Variants in ATP2C2 observed in about 807,000 individuals in gnomAD.
The protein encoded by ATP2C2 is ATPase secretory pathway Ca2+ transporting 2.
ATP2C2 carries 171 observed loss-of-function variants against 110.8 expected under a neutral mutation model. The observed-to-expected ratio is 1.54, with a 90% CI of 1.36 to 1.75. ATP2C2 has a LOEUF of 1.75. Ranked by LOEUF, ATP2C2 falls within the 40% of genes most tolerant of loss-of-function variation. The pLI is 0.00. For missense variants in ATP2C2, 1,963 were observed against 1,235.0 expected (o/e 1.59, Z -8.84); for synonymous variants, 804 against 508.4 (o/e 1.58, Z -7.82).
At chr16:84,423,575 GA>G (rs1410331314) in intron 10 of ATP2C2, among the ~76,000 whole-genome samples, 1 of 152,230 alleles carries the variant, frequency 6.6e-6, no homozygotes, top group East Asian at 1.9e-4. Flanking sequence ...TACAAACAGT[GA>G]CTTGGGCCCA....
intron 2 of ATP2C2, among the ~76,000 whole-genome samples, chr16:84,403,870 T>A (rs1905519500): frequency 6.6e-6 from 1 of 152,178 alleles, no homozygotes; most frequent in South Asian, 2.1e-4. Context: ...CTTGTATTTT[T>A]AGTAGAGACG....
chr16:84,428,656 C>T (rs1178872192), intron 11 of ATP2C2, among the ~76,000 whole-genome samples: 1 of 152,130 alleles, frequency 6.6e-6, no homozygotes, highest in East Asian at 1.9e-4. Flanking sequence ...TGGAAAACCC[C>T]ATCCCAGATA....
intron 2 of ATP2C2, 102 bp from the exon 3 acceptor site, chr16:84,405,026 C>G: frequency 1.0e-6 from 1 of 954,852 alleles, no homozygotes; most frequent in Non-Finnish European, 1.7e-6. Context: ...GTGTCCCTGG[C>G]CCATCATGGA....
At chr16:84,402,161 C>T (rs924256354) in intron 2 of ATP2C2, among the ~76,000 whole-genome samples, 3 of 152,106 alleles carry the variant, frequency 2.0e-5, no homozygotes, top group African/African-American at 4.8e-5. Flanking sequence ...TGATCTTTAT[C>T]ATTTGAGTTT....
rs1910673271 is a variant in ATP2C2 at position 84,382,996 on chromosome 16, GAC to G, written c.99+14284_99+14285del. Among the ~76,000 whole-genome samples, 3 of 151,986 alleles carry G rather than the reference GAC, an allele frequency of 2.0e-5. No homozygotes were observed. The South Asian group carries it at 6.2e-4, about 32-fold the overall frequency. On this transcript the variant is annotated intron_variant, in intron 1 of 26. Coordinates refer to ENST00000262429, the MANE Select transcript of ATP2C2 (RefSeq NM_014861.4). ...TCCAGGCAAAAGCAGCCTCAGAAGA[GAC>G]AGGCAAGAGTCTACAGCTGGAGACA...
At chr16:84,442,975 T>C (rs927475254) in intron 15 of ATP2C2, among the ~76,000 whole-genome samples, 1 of 152,034 alleles carries the variant, frequency 6.6e-6, no homozygotes, top group African/African-American at 2.4e-5. Flanking sequence ...GGGAATGTAT[T>C]CGATTGACTC....
At chr16:84,410,851 A>G (rs1906221391) in intron 6 of ATP2C2, 86 bp downstream of exon 6, 1 of 1,365,154 alleles carries the variant, frequency 7.3e-7, no homozygotes, top group Admixed American at 1.7e-5. Context: ...TGAAAGTTGT[A>G]TCCTTGGTAG....
rs1172177239 is a variant in ATP2C2 at position 84,440,820 on chromosome 16, C to G, written c.1210-37C>G. 8.4e-6 allele frequency: 13 copies of G among 1,539,642 alleles called. No homozygotes were observed. The East Asian group carries it at 1.6e-4, about 19-fold the overall frequency. Reference sequence around the variant, plus strand: ...GCCAACTGGGGGAGCATGTTTTTGACTCTTGGCGAAACCCTTTCTTCTGCC... The same window carrying G: ...GCCAACTGGGGGAGCATGTTTTTGAGTCTTGGCGAAACCCTTTCTTCTGCC... On this transcript the variant is annotated intron_variant, in intron 13 of 26. Coordinates refer to ENST00000262429, the MANE Select transcript of ATP2C2 (RefSeq NM_014861.4).
intron 11 of ATP2C2, among the ~76,000 whole-genome samples, chr16:84,435,915 G>T (rs996204251): frequency 1.3e-5 from 2 of 152,170 alleles, no homozygotes; most frequent in Non-Finnish European, 2.9e-5. Flanking sequence ...GATCACTTGA[G>T]GCCAGGAGTT....
chr16:84,452,885 G>C (rs576501719), intron 18 of ATP2C2, among the ~76,000 whole-genome samples: 1 of 152,072 alleles, frequency 6.6e-6, no homozygotes, highest in African/African-American at 2.4e-5. Flanking sequence ...TCAGGTTCCA[G>C]TGTTACTCCT....
intron 11 of ATP2C2, among the ~76,000 whole-genome samples, chr16:84,432,644 C>G (rs1252066278): frequency 1.3e-5 from 2 of 152,054 alleles, no homozygotes; most frequent in African/African-American, 4.8e-5. Flanking sequence ...CCTCAGCCTC[C>G]CAAGTAGCTG....
In ATP2C2 at chr16:84,377,575, C is replaced by T. The variant is rs551415689; in HGVS notation, c.99+8861C>T. On this transcript the variant is annotated intron_variant, in intron 1 of 26. Transcript: ENST00000262429. ...GTTGTCCTCTGTGCATGGCTGTGTC[C>T]TAATCTCCTCCTTTTACTTGGACAC... Among the ~76,000 whole-genome samples the T allele has an allele frequency of 3.7e-4, 57 of 152,162 alleles. 1 individual carries two copies. Among genetic ancestry groups the T allele is most frequent in the African/African-American group, 1.1e-3 (47 of 41,524 alleles).
At chr16:84,425,943 C>G in intron 11 of ATP2C2, 142 bp downstream of exon 11, 3 of 979,210 alleles carry the variant, frequency 3.1e-6, no homozygotes, top group Non-Finnish European at 4.8e-6. Flanking sequence ...TCCAGCCTCC[C>G]AATAGCATGT....
chr16:84,441,617 G>C (rs1278733621), intron 14 of ATP2C2, among the ~76,000 whole-genome samples: 1 of 152,042 alleles, frequency 6.6e-6, no homozygotes, highest in Non-Finnish European at 1.5e-5. Context: ...TCTTGGTTTT[G>C]CAGATTAAAA....
At chr16:84,431,495 C>G (rs1271855262) in intron 11 of ATP2C2, among the ~76,000 whole-genome samples, 1 of 150,928 alleles carries the variant, frequency 6.6e-6, no homozygotes, top group Non-Finnish European at 1.5e-5. Context: ...AACTCTGTCT[C>G]AAGACGAAAA....
rs1909169402 is a variant in ATP2C2, at chr16:84,440,710, C to G, written c.1210-147C>G. The stretch of plus-strand genomic sequence containing the variant: ...ATGACGTATCCAATTAATCAATAAT[C>G]TTTCAGAGAACATCTTCATACTGAA... On this transcript the variant is annotated intron_variant, in intron 13 of 26. Coordinates refer to ENST00000262429, the MANE Select transcript of ATP2C2 (RefSeq NM_014861.4). 7.7e-6 allele frequency: 5 copies of G among 651,262 alleles called. No homozygotes were observed. In the South Asian group the frequency reaches 9.2e-5, roughly 12 times the overall value. The allele number at this position is 651,262 out of a possible 1,614,324, so 40.3% of individuals were successfully genotyped here. A position where few individuals can be genotyped will look rare whatever the true frequency, so the allele number is the denominator to read the frequency against.
Position 84,381,407 on chromosome 16 carries a change from T to A in ATP2C2, c.99+12693T>A, listed in dbSNP as rs1323876566. On this transcript the variant is annotated intron_variant, in intron 1 of 26. Coordinates refer to ENST00000262429, the MANE Select transcript of ATP2C2 (RefSeq NM_014861.4). ...TCAGAGGCCTGACAGTGAAACCTCATCTCTACTAAAAATACAAAAATTAGC... is the reference window on the plus strand; with the variant it reads ...TCAGAGGCCTGACAGTGAAACCTCAACTCTACTAAAAATACAAAAATTAGC... 4.6e-5 allele frequency among the ~76,000 whole-genome samples: 7 copies of A among 152,078 alleles called. No homozygotes were observed. The East Asian group carries it at 1.4e-3, about 30-fold the overall frequency.
At chr16:84,412,414 C>CTG (rs71151210) in intron 6 of ATP2C2, among the ~76,000 whole-genome samples, 39 of 146,994 alleles carry the variant, frequency 2.7e-4, no homozygotes, top group African/African-American at 6.3e-4. Context: ...GTGCATGTGT[C>CTG]TGTGTATGTG....
At chr16:84,373,972 C>T (rs1489057930) in intron 1 of ATP2C2, among the ~76,000 whole-genome samples, 1 of 152,212 alleles carries the variant, frequency 6.6e-6, no homozygotes, top group Non-Finnish European at 1.5e-5. Flanking sequence ...AACTCAAGTC[C>T]AACTGCCAGC....
Sources: gnomAD v4.1 joint callset for allele counts (sites outside exome capture counted in the v4.1 genomes callset) on GRCh38, gnomAD v4.1.1 for gene constraint, MANE v1.5 for transcripts, NCBI Gene and HGNC (gene_info 2026-07-23, HGNC 2026-07-21) for gene names.